DENND1A: variants seen among roughly 807,000 people sequenced by gnomAD.
DENND1A encodes the protein DENN domain containing 1A.
A neutral mutation model predicts 113.7 loss-of-function variants in DENND1A; 51 were observed. The ratio of observed to expected loss-of-function variants is 0.45; its 90% CI spans 0.36 to 0.57. The LOEUF is 0.57. DENND1A is among the 20% of genes least tolerant of loss of function. The probability of loss-of-function intolerance (pLI) is 0.00; values close to 1 mark genes in which losing one functional copy is unlikely to be tolerated. For missense variants in DENND1A, 1,258 were observed against 1,395.9 expected (o/e 0.90, Z 1.57); for synonymous variants, 565 against 570.8 (o/e 0.99, Z 0.14).
chr9:123,744,115 C>T (rs1313294401), intron 5 of DENND1A, among the ~76,000 whole-genome samples: 1 of 152,150 alleles, frequency 6.6e-6, no homozygotes, highest in Non-Finnish European at 1.5e-5. Context: ...TTGGATTGGG[C>T]TTGATAGAAC....
intron 5 of DENND1A, among the ~76,000 whole-genome samples, chr9:123,722,657 A>G (rs138543701): frequency 4.5e-4 from 69 of 152,302 alleles, no homozygotes; most frequent in African/African-American, 1.4e-3. Flanking sequence ...CTGTTGCTTC[A>G]TAGGGTGGAA....
At chr9:123,473,316 TGGGAGGGGCAGGGGAGGGCGGA>T (rs1467207782) in intron 13 of DENND1A, among the ~76,000 whole-genome samples, 1 of 151,934 alleles carries the variant, frequency 6.6e-6, no homozygotes, top group African/African-American at 2.4e-5. Flanking sequence ...ATGTGTGTGC[TGGGAGGGGCAGGGGAGGGCGGA>T]GGGAGACAGG....
rs752736162 is a variant in DENND1A at position 123,381,723 on chromosome 9, G to A, written c.2922C>T (p.Pro974=). The A allele has an allele frequency of 6.5e-7, 1 of 1,531,026 alleles. No homozygotes were observed. Among genetic ancestry groups the A allele is most frequent in the South Asian group, 1.2e-5 (1 of 80,614 alleles). The allele number at this position is 1,531,026 out of a possible 1,614,324, so 94.8% of individuals were successfully genotyped here. The change falls in exon 24 of 24, where the codon CCC becomes CCT. Residue 974 remains proline (P), a synonymous_variant. Transcript: ENST00000394215. The surrounding 1 kb of genome is among the most constrained non-coding windows in gnomAD (Gnocchi z 4.7). ...GGATCCTCGACGGGGCAACTGCTGG[G>A]GGACCCAGCGGCTGTAGGGGGCTCG... The part of the protein sequence containing the change: ...THTSPLQPLG[P]PAVAPSRIRT...
At chr9:123,676,863 C>G in intron 5 of DENND1A, 74 bp from the exon 6 acceptor site, 1 of 1,395,046 alleles carries the variant, frequency 7.2e-7, no homozygotes, top group South Asian at 1.2e-5. Context: ...TAATTCAAGA[C>G]TGATACATTT....
rs188339485 is a variant in DENND1A at position 123,457,784 on chromosome 9, G to C, written c.1098+9C>G. 1.9e-6 allele frequency: 3 copies of C among 1,603,276 alleles called. No homozygotes were observed. Among genetic ancestry groups the C allele is most frequent in the East Asian group, 2.3e-5 (1 of 44,224 alleles). Reference sequence around the variant, plus strand: ...AGCCAGACCCAGGCCAGACCAGGGAGGGAGGCACCTGCTTGAAGAGCTGCA... The same window carrying C: ...AGCCAGACCCAGGCCAGACCAGGGACGGAGGCACCTGCTTGAAGAGCTGCA... On this transcript the variant is annotated intron_variant, in intron 14 of 23. Coordinates refer to ENST00000394215, the MANE Select transcript of DENND1A (RefSeq NM_001352964.2).
intron 23 of DENND1A, 53 bp downstream of exon 23, chr9:123,383,602 G>A (rs973533720): frequency 2.2e-5 from 34 of 1,575,710 alleles, no homozygotes; most frequent in South Asian, 7.0e-5. Context: ...ATCCCACCTC[G>A]TGTGCGGACA....
At chr9:123,420,199 G>GA (rs1379603948) in intron 19 of DENND1A, among the ~76,000 whole-genome samples, 1 of 152,214 alleles carries the variant, frequency 6.6e-6, no homozygotes, top group Non-Finnish European at 1.5e-5. Context: ...GCTGGGAGGG[G>GA]CCAGGTATTA....
intron 13 of DENND1A, among the ~76,000 whole-genome samples, chr9:123,520,147 C>CAAAA (rs777054330): frequency 2.7e-5 from 1 of 37,312 alleles, no homozygotes; most frequent in African/African-American, 7.8e-5. Context: ...GATCCTGTCT[C>CAAAA]AAAAAAAAAA....
At chr9:123,871,620 G>T (rs1248419605) in intron 2 of DENND1A, among the ~76,000 whole-genome samples, 1 of 152,106 alleles carries the variant, frequency 6.6e-6, no homozygotes, top group Non-Finnish European at 1.5e-5. Flanking sequence ...TCTAAGCAAA[G>T]ATTTTTTTTT....
intron 3 of DENND1A, among the ~76,000 whole-genome samples, chr9:123,780,989 G>A (rs1194085443): frequency 1.3e-5 from 2 of 152,194 alleles, no homozygotes; most frequent in African/African-American, 4.8e-5. Context: ...AGGTAGACTG[G>A]TGAAGTAACT....
intron 19 of DENND1A, among the ~76,000 whole-genome samples, chr9:123,434,952 G>A (rs1459277031): frequency 6.6e-6 from 1 of 152,200 alleles, no homozygotes; most frequent in African/African-American, 2.4e-5. Flanking sequence ...CACAGCTGTG[G>A]CAAAGGTGAT....
chr9:123,582,574 T>C (rs555245511), intron 12 of DENND1A, among the ~76,000 whole-genome samples: 47 of 152,100 alleles, frequency 3.1e-4, no homozygotes, highest in Admixed American at 3.1e-3. Context: ...TAATTTTTTG[T>C]ATTTTTAGTA....
chr9:123,551,333 A>G (rs1355518254), intron 13 of DENND1A, among the ~76,000 whole-genome samples: 1 of 152,092 alleles, frequency 6.6e-6, no homozygotes, highest in African/African-American at 2.4e-5. Context: ...CTATTCCCTA[A>G]TTTCCTTCAC....
At chr9:123,689,974 G>GC (rs2065059636) in intron 5 of DENND1A, among the ~76,000 whole-genome samples, 1 of 149,384 alleles carries the variant, frequency 6.7e-6, no homozygotes, top group African/African-American at 2.5e-5. Flanking sequence ...GAGTGACACA[G>GC]CAAGAGTCTG....
At chr9:123,697,225 C>T (rs1408845465) in intron 5 of DENND1A, among the ~76,000 whole-genome samples, 1 of 152,098 alleles carries the variant, frequency 6.6e-6, no homozygotes, top group Non-Finnish European at 1.5e-5. Flanking sequence ...CCACTTTTTT[C>T]TTGGATTAAA....
At chr9:123,612,853 T>C (rs572393706) in intron 10 of DENND1A, among the ~76,000 whole-genome samples, 1 of 152,298 alleles carries the variant, frequency 6.6e-6, no homozygotes, top group South Asian at 2.1e-4. Flanking sequence ...TTCAGGATTG[T>C]TGTAGAGATT....
intron 13 of DENND1A, among the ~76,000 whole-genome samples, chr9:123,478,911 T>C (rs2050124313): frequency 6.6e-6 from 1 of 152,234 alleles, no homozygotes; most frequent in Non-Finnish European, 1.5e-5. Flanking sequence ...TAATCCAGTT[T>C]ACTGCTGATG....
intron 5 of DENND1A, among the ~76,000 whole-genome samples, chr9:123,754,976 G>T (rs2070393473): frequency 6.6e-6 from 1 of 152,110 alleles, no homozygotes; most frequent in Admixed American, 6.5e-5. Context: ...AGCTTAGAAA[G>T]AAACACTGTA....
At chr9:123,663,805 A>G (rs1247573078) in intron 8 of DENND1A, among the ~76,000 whole-genome samples, 1 of 152,106 alleles carries the variant, frequency 6.6e-6, no homozygotes, top group Admixed American at 6.5e-5. Flanking sequence ...TAAAGTGTGT[A>G]CATTTTGTGT....
Sources: gnomAD v4.1 joint callset for allele counts (sites outside exome capture counted in the v4.1 genomes callset) on GRCh38, gnomAD v4.1.1 for gene constraint, Gnocchi (gnomAD v3.1) non-coding constraint, MANE v1.5 for transcripts, NCBI Gene and HGNC (gene_info 2026-07-23, HGNC 2026-07-21) for gene names.